NRF1: variants seen among roughly 807,000 people sequenced by gnomAD.
The protein encoded by NRF1 is alpha palindromic-binding protein.
Under a neutral mutation model 58.5 loss-of-function variants are expected in NRF1, and 5 were observed. That is an observed-to-expected ratio of 0.09 (90% CI 0.04 to 0.18). The LOEUF is 0.18. NRF1 is among the 10% of genes least tolerant of loss of function. The pLI is 1.00. For missense variants in NRF1, 288 were observed against 657.7 expected (o/e 0.44, Z 6.15); for synonymous variants, 224 against 246.7 (o/e 0.91, Z 0.86).
chr7:129,616,597 T>C (rs1450971955), intron 1 of NRF1, among the ~76,000 whole-genome samples: 3 of 152,128 alleles, frequency 2.0e-5, no homozygotes, highest in African/African-American at 7.3e-5. Context: ...ACCGTGTTTC[T>C]TAAAAAAAAC....
intron 1 of NRF1, among the ~76,000 whole-genome samples, chr7:129,645,845 A>G (rs901709776): frequency 6.6e-6 from 1 of 152,002 alleles, no homozygotes; most frequent in African/African-American, 2.4e-5. Flanking sequence ...GAAGCATTTT[A>G]TTTTTATGTA....
At position 129,706,443 on chromosome 7, in the gene NRF1, C is replaced by T. The variant is rs1314960986; in HGVS notation, c.607-2632C>T. Among the ~76,000 whole-genome samples the T allele has an allele frequency of 2.0e-5, 3 of 152,096 alleles. No homozygotes were observed. In the East Asian group the frequency reaches 5.8e-4, roughly 29 times the overall value. On this transcript the variant is annotated intron_variant, in intron 5 of 10. Transcript: ENST00000393232. ...GGGGCCGGAGAAGAAGGGATAGACA[C>T]CAGAGACGTTTCAAAGAAAACAAAA...
intron 3 of NRF1, among the ~76,000 whole-genome samples, chr7:129,676,902 G>A (rs1399389164): frequency 6.6e-6 from 1 of 151,718 alleles, no homozygotes; most frequent in African/African-American, 2.4e-5. Flanking sequence ...TATAAACAAT[G>A]AGATATAAAC....
At chr7:129,630,920 A>C (rs1801035013) in intron 1 of NRF1, among the ~76,000 whole-genome samples, 1 of 152,164 alleles carries the variant, frequency 6.6e-6, no homozygotes, top group South Asian at 2.1e-4. Flanking sequence ...ATTATTTTGT[A>C]GGCATTTCGA....
chr7:129,646,600 C>T (rs920763953), intron 1 of NRF1, among the ~76,000 whole-genome samples: 3 of 152,188 alleles, frequency 2.0e-5, no homozygotes, highest in Admixed American at 2.0e-4. Context: ...TACTCAACCA[C>T]CAGGAGAGAA....
intron 9 of NRF1, among the ~76,000 whole-genome samples, chr7:129,721,669 G>A (rs1584671911): frequency 1.3e-5 from 2 of 151,924 alleles, no homozygotes; most frequent in Admixed American, 1.3e-4. Flanking sequence ...TTTTAGTAGA[G>A]AGGGGGTTTC....
chr7:129,614,270 C>T (rs1232987247), intron 1 of NRF1, among the ~76,000 whole-genome samples: 3 of 152,164 alleles, frequency 2.0e-5, no homozygotes, highest in African/African-American at 7.2e-5. Context: ...CGTGGGCCAC[C>T]ATGCCCGGCT....
At chr7:129,693,042 C>G (rs1802607435) in intron 5 of NRF1, among the ~76,000 whole-genome samples, 1 of 152,178 alleles carries the variant, frequency 6.6e-6, no homozygotes, top group Non-Finnish European at 1.5e-5. Flanking sequence ...TTTGTGGTCT[C>G]CCCAGCTAGA....
At position 129,709,400 on chromosome 7, in the gene NRF1, C is replaced by T. The variant is rs570793459; in HGVS notation, c.765+167C>T. Among the ~76,000 whole-genome samples, 11 of 152,196 alleles carry T rather than the reference C, an allele frequency of 7.2e-5. No individual in the cohort carries two copies. The South Asian group carries it at 1.9e-3, about 26-fold the overall frequency. On this transcript the variant is annotated intron_variant, in intron 6 of 10. Coordinates refer to ENST00000393232, the MANE Select transcript of NRF1 (RefSeq NM_005011.5). ...TTTATAGCCTTTTCCATTTGTCGCT[C>T]CATCACTATACTATAAAGAGAAGAC...
intron 1 of NRF1, among the ~76,000 whole-genome samples, chr7:129,652,372 A>G (rs949712755): frequency 6.6e-6 from 1 of 152,340 alleles, no homozygotes; most frequent in Non-Finnish European, 1.5e-5. Flanking sequence ...AAGTAGAGAT[A>G]GTGTTAGTGT....
intron 10 of NRF1, chr7:129,744,333 C>A: frequency 3.4e-6 from 3 of 888,164 alleles, no homozygotes; most frequent in Non-Finnish European, 5.3e-6. Context: ...GATTCCTCTA[C>A]TGTGCAGTCC....
chr7:129,750,739 T>A (rs1371258157), intron 10 of NRF1, among the ~76,000 whole-genome samples: 1 of 151,964 alleles, frequency 6.6e-6, no homozygotes. Flanking sequence ...TGGGGTGGAG[T>A]ACAGAAGATG....
chr7:129,630,063 A>G (rs534537575), intron 1 of NRF1: 2 of 152,350 alleles, frequency 1.3e-5, no homozygotes, highest in South Asian at 4.1e-4. Flanking sequence ...TAATCATCCT[A>G]ATATCCCCTT....
At chr7:129,687,714 G>C (rs1368323370) in intron 4 of NRF1, among the ~76,000 whole-genome samples, 2 of 152,214 alleles carry the variant, frequency 1.3e-5, no homozygotes, top group Non-Finnish European at 2.9e-5. Flanking sequence ...CATGGCTGCA[G>C]GCAATGACAG....
intron 9 of NRF1, among the ~76,000 whole-genome samples, chr7:129,721,517 TG>T (rs988982887): frequency 6.6e-6 from 1 of 151,508 alleles, no homozygotes; most frequent in African/African-American, 2.4e-5. Context: ...AGTCTTGCTC[TG>T]TCACCCAGGC....
intron 5 of NRF1, among the ~76,000 whole-genome samples, chr7:129,706,047 A>G (rs796702538): frequency 2.0e-5 from 3 of 152,346 alleles, no homozygotes; most frequent in African/African-American, 7.2e-5. Flanking sequence ...GAATAGTAGC[A>G]TGGAAAATAG....
chr7:129,703,682 A>G (rs990064055), intron 5 of NRF1, among the ~76,000 whole-genome samples: 1 of 152,222 alleles, frequency 6.6e-6, no homozygotes, highest in Admixed American at 6.5e-5. Flanking sequence ...CTTATAGTAG[A>G]AAATACCTTT....
chr7:129,623,753 TAAGTA>T (rs1483325731), intron 1 of NRF1, among the ~76,000 whole-genome samples: 5 of 152,052 alleles, frequency 3.3e-5, no homozygotes, highest in East Asian at 1.9e-4. Flanking sequence ...TTTTTTCTCT[TAAGTA>T]TAGTAAAGCC....
chr7:129,637,252 GAAAAA>G (rs35335362), intron 1 of NRF1, among the ~76,000 whole-genome samples: 1 of 133,278 alleles, frequency 7.5e-6, no homozygotes, highest in Admixed American at 7.7e-5. Flanking sequence ...AGGCTCTGCT[GAAAAA>G]AAAAAAAAAG....
Sources: gnomAD v4.1 joint callset for allele counts (sites outside exome capture counted in the v4.1 genomes callset) on GRCh38, gnomAD v4.1.1 for gene constraint, MANE v1.5 for transcripts, NCBI Gene and HGNC (gene_info 2026-07-23, HGNC 2026-07-21) for gene names.